UBR7: variants seen among roughly 807,000 people sequenced by gnomAD.
UBR7 encodes the protein ubiquitin protein ligase E3 component n-recognin 7, also known as putative E3 ubiquitin-protein ligase UBR7.
UBR7 carries 22 observed loss-of-function variants against 57.0 expected under a neutral mutation model. The ratio of observed to expected loss-of-function variants is 0.39; its 90% CI spans 0.28 to 0.55. UBR7 has a LOEUF of 0.55. Ranked by LOEUF, UBR7 falls within the 20% of genes least tolerant of loss-of-function variation. The probability of loss-of-function intolerance (pLI) is 0.69; values close to 1 mark genes in which losing one functional copy is unlikely to be tolerated. For synonymous variants in UBR7, 167 were observed against 179.8 expected (o/e 0.93, Z 0.57); for missense variants, 395 against 513.2 (o/e 0.77, Z 2.23).
chr14:93,215,374 G>C (rs987474227), intron 6 of UBR7, 93 bp downstream of exon 6: 1 of 1,120,156 alleles, frequency 8.9e-7, no homozygotes, highest in Non-Finnish European at 1.3e-6. Context: ...TTTTAACTGG[G>C]CTCTGTGGTT....
At chr14:93,219,407 G>C (rs768931528) in intron 8 of UBR7, 46 bp downstream of exon 8, 4 of 1,611,964 alleles carry the variant, frequency 2.5e-6, no homozygotes, top group Non-Finnish European at 3.4e-6. Flanking sequence ...TTGTGTACTG[G>C]TGCCCCAAAA....
At chr14:93,224,775 T>C (rs2140108858) in intron 10 of UBR7, among the ~76,000 whole-genome samples, 1 of 152,344 alleles carries the variant, frequency 6.6e-6, no homozygotes, top group Admixed American at 6.5e-5. Context: ...GTGCTAGAAC[T>C]AAGAATGTTC....
At chr14:93,213,101 G>A (rs538104396) in intron 4 of UBR7, among the ~76,000 whole-genome samples, 26 of 152,118 alleles carry the variant, frequency 1.7e-4, no homozygotes, top group Admixed American at 7.9e-4. Context: ...TTGCGGCACT[G>A]CACTCCAGCC....
chr14:93,222,239 A>G, intron 9 of UBR7, 74 bp from the exon 10 acceptor site: 2 of 1,048,564 alleles, frequency 1.9e-6, no homozygotes, highest in East Asian at 2.4e-5. Flanking sequence ...CTCAGGTGTC[A>G]ATGGCAAAGA....
chr14:93,219,141 C>G, intron 7 of UBR7, 71 bp from the exon 8 acceptor site: 1 of 1,547,392 alleles, frequency 6.5e-7, no homozygotes, highest in Non-Finnish European at 8.8e-7. Context: ...AAAGAAATCT[C>G]TTTACAAAAT....
chr14:93,223,473 C>A (rs7154365), intron 10 of UBR7: 9 of 527,420 alleles, frequency 1.7e-5, no homozygotes, highest in East Asian at 6.8e-5. Flanking sequence ...TGGCTTGAGC[C>A]CTGCTTTCTT....
chr14:93,223,460 G>T, intron 10 of UBR7: 1 of 541,404 alleles, frequency 1.8e-6, no homozygotes, highest in Non-Finnish European at 3.3e-6. Context: ...CTACTTGGGA[G>T]GCTGGCTTGA....
Position 93,227,540 on chromosome 14 carries a change from C to T in UBR7, c.*505C>T, listed in dbSNP as rs1243993156. The T allele has an allele frequency of 1.4e-6, 1 of 699,176 alleles. No homozygotes were observed. Among genetic ancestry groups the T allele is most frequent in the Middle Eastern group, 3.7e-4 (1 of 2,732 alleles). The allele number at this position is 699,176 out of a possible 1,614,324, so 43.3% of individuals were successfully genotyped here. A position where few individuals can be genotyped will look rare whatever the true frequency, so the allele number is the denominator to read the frequency against. ...CCTGGTCTGCTCCTTCTTTCACGTCCCTGTTTTCTGAGGTTTGGTCATAGC... is the reference window on the plus strand; with the variant it reads ...CCTGGTCTGCTCCTTCTTTCACGTCTCTGTTTTCTGAGGTTTGGTCATAGC... On this transcript the variant is annotated 3_prime_UTR_variant, in exon 11 of 11. Coordinates refer to ENST00000013070, the MANE Select transcript of UBR7 (RefSeq NM_175748.4).
chr14:93,223,457 G>A, intron 10 of UBR7: 1 of 527,108 alleles, frequency 1.9e-6, no homozygotes, highest in Non-Finnish European at 3.4e-6. Context: ...CAGCTACTTG[G>A]GAGGCTGGCT....
chr14:93,220,176 G>C, intron 8 of UBR7, 73 bp from the exon 9 acceptor site: 1 of 1,485,032 alleles, frequency 6.7e-7, no homozygotes, highest in South Asian at 1.2e-5. Context: ...TCAGGAAATT[G>C]GCTTTCTGAG....
Position 93,219,239 on chromosome 14 carries a change from G to A in UBR7, c.838G>A (p.Ala280Thr), listed in dbSNP as rs568426322. 13 of 1,614,092 alleles carry A rather than the reference G, an allele frequency of 8.1e-6. No homozygotes were observed. Among genetic ancestry groups the A allele is most frequent in the South Asian group, 4.4e-5 (4 of 91,080 alleles). ...QTVFKNESLNAESKSGCKLQE... is the reference protein window; with the variant it reads ...QTVFKNESLNTESKSGCKLQE... Reference sequence around the variant, plus strand: ...AGTGTTTAAGAATGAAAGCCTCAACGCAGAATCAAAATCTGGCTGCAAACT... The same window carrying A: ...AGTGTTTAAGAATGAAAGCCTCAACACAGAATCAAAATCTGGCTGCAAACT... Residue 280 changes from alanine to threonine, a missense_variant, in exon 8 of 11, where the codon GCA (alanine) becomes ACA (threonine). Physicochemically the swap from Ala to Thr is moderately conservative, Grantham distance 58. Coordinates refer to ENST00000013070, the MANE Select transcript of UBR7 (RefSeq NM_175748.4).
At position 93,228,838 on chromosome 14, in the gene UBR7, C is replaced by A; in HGVS notation, c.*1803C>A. The A allele has an allele frequency of 2.2e-6, 1 of 454,134 alleles. No homozygotes were observed. The highest frequency in any genetic ancestry group is 4.4e-6 in the Non-Finnish European group (1 of 226,792). The allele number at this position is 454,134 out of a possible 1,614,324, so 28.1% of individuals were successfully genotyped here. ...CCAGAAAGTCCCTTACTTCCTATGACCAATCAGGACCAAGTCTTGGAGGTG... is the reference window on the plus strand; with the variant it reads ...CCAGAAAGTCCCTTACTTCCTATGAACAATCAGGACCAAGTCTTGGAGGTG... On this transcript the variant is annotated 3_prime_UTR_variant, in exon 11 of 11. Transcript: ENST00000013070.
At position 93,208,465 on chromosome 14, in the gene UBR7, TA is replaced by T. The variant is rs202105336; in HGVS notation, c.150+1038del. 7.0e-3 allele frequency among the ~76,000 whole-genome samples: 982 copies of T among 140,934 alleles called. 4 individuals carry two copies. The highest frequency in any genetic ancestry group is 0.012 in the African/African-American group (477 of 38,822). The allele number at this position is 140,934 out of a possible 152,430, so 92.5% of individuals were successfully genotyped here. A position where few individuals can be genotyped will look rare whatever the true frequency, so the allele number is the denominator to read the frequency against. ...AAAACAATTTTTCCCCTGCTTTACT[TA>T]AAAAAAAAAAAAAGAAAAAAGTTAT... is the stretch of plus-strand genomic sequence containing the variant. On this transcript the variant is annotated intron_variant, in intron 1 of 10. Coordinates refer to ENST00000013070, the MANE Select transcript of UBR7 (RefSeq NM_175748.4).
chr14:93,214,295 T>A (rs1894548248), intron 4 of UBR7, among the ~76,000 whole-genome samples: 1 of 152,378 alleles, frequency 6.6e-6, no homozygotes, highest in Non-Finnish European at 1.5e-5. Flanking sequence ...TGTGCTTTTT[T>A]ATTCCCTTTA....
chr14:93,213,936 C>CT (rs994731116), intron 4 of UBR7, among the ~76,000 whole-genome samples: 3 of 146,934 alleles, frequency 2.0e-5, no homozygotes, highest in Non-Finnish European at 3.0e-5. Context: ...TTTTTTTTTT[C>CT]TTTTTTTTAA....
At chr14:93,226,781 A>G (rs1894860396) in intron 10 of UBR7, among the ~76,000 whole-genome samples, 162 bp from the exon 11 acceptor site, 1 of 144,566 alleles carries the variant, frequency 6.9e-6, no homozygotes, top group African/African-American at 2.7e-5. Context: ...TGACAGAGCG[A>G]CACTCCATCT....
At position 93,227,584 on chromosome 14, in the gene UBR7, C is replaced by T; in HGVS notation, c.*549C>T. ...TCATAGCTTAGAAAGGATCTTGGGG[C>T]TTGTTTTCTCTAGGCCCAACCTCCA... On this transcript the variant is annotated 3_prime_UTR_variant, in exon 11 of 11. Coordinates refer to ENST00000013070, the MANE Select transcript of UBR7 (RefSeq NM_175748.4). 1.4e-6 allele frequency: 1 copy of T among 700,138 alleles called. No individual in the cohort carries two copies. The highest frequency in any genetic ancestry group is 1.5e-5 in the South Asian group (1 of 66,932). 43.4% of individuals were successfully genotyped at this position (700,138 alleles called of 1,614,324 possible). A position where few individuals can be genotyped will look rare whatever the true frequency, so the allele number is the denominator to read the frequency against.
At chr14:93,225,443 A>T (rs1365295383) in intron 10 of UBR7, among the ~76,000 whole-genome samples, 1 of 143,092 alleles carries the variant, frequency 7.0e-6, no homozygotes, top group Non-Finnish European at 1.5e-5. Flanking sequence ...CCTGGGCAAG[A>T]TGATGAGACC....
chr14:93,210,981 G>A (rs1259916790), intron 3 of UBR7, among the ~76,000 whole-genome samples: 2 of 152,132 alleles, frequency 1.3e-5, no homozygotes, highest in Non-Finnish European at 2.9e-5. Context: ...TATTCTCTGA[G>A]GCTTTTAAAT....
Sources: gnomAD v4.1 joint callset for allele counts (sites outside exome capture counted in the v4.1 genomes callset) on GRCh38, gnomAD v4.1.1 for gene constraint, MANE v1.5 for transcripts, NCBI Gene and HGNC (gene_info 2026-07-23, HGNC 2026-07-21) for gene names.